Variants in KCNK5 observed in about 807,000 individuals in gnomAD.
KCNK5 encodes potassium channel subfamily K member 5.
In KCNK5, 18 loss-of-function variants were observed where a neutral mutation model predicts 32.9. The ratio of observed to expected loss-of-function variants is 0.55; its 90% CI spans 0.38 to 0.81. The LOEUF (loss-of-function observed/expected upper bound fraction) is 0.81, where lower values mean the gene tolerates loss of function less well. KCNK5 is among the 30% of genes least tolerant of loss of function. KCNK5 has a pLI of 0.00. For synonymous variants in KCNK5, 276 were observed against 275.3 expected, an observed-to-expected ratio of 1.00 and a Z score of -0.03; for missense variants, 507 against 651.0, an observed-to-expected ratio of 0.78 and a Z score of 2.41.
intron 4 of KCNK5, among the ~76,000 whole-genome samples, chr6:39,192,622 T>C (rs562232388): frequency 2.0e-5 from 3 of 152,254 alleles, no homozygotes; most frequent in Admixed American, 6.5e-5. Flanking sequence ...TTTATTTTCA[T>C]TGAAGGTCTG....
intron 1 of KCNK5, among the ~76,000 whole-genome samples, chr6:39,226,992 C>G (rs1030501863): frequency 6.6e-6 from 1 of 151,986 alleles, no homozygotes; most frequent in African/African-American, 2.4e-5. Flanking sequence ...TAAATGTTGA[C>G]AGATTTAACA....
chr6:39,190,759 G>A lies in KCNK5; in HGVS notation c.*131C>T, dbSNP rs1770906753. ...GCTGAGGATGATGGAAGGTTAGGAA[G>A]GCCCCTGGCCCCCCACTCCCAGTTC... On this transcript the variant is annotated 3_prime_UTR_variant, in exon 5 of 5. Transcript: ENST00000359534. 5 of 852,836 alleles carry A rather than the reference G, an allele frequency of 5.9e-6. No individual in the cohort carries two copies. The highest frequency in any genetic ancestry group is 8.5e-6 in the Non-Finnish European group (5 of 591,586). 52.8% of individuals were successfully genotyped at this position (852,836 alleles called of 1,614,324 possible).
intron 4 of KCNK5, among the ~76,000 whole-genome samples, chr6:39,193,465 G>T (rs1423892644): frequency 6.6e-6 from 1 of 152,256 alleles, no homozygotes; most frequent in Non-Finnish European, 1.5e-5. Context: ...GAGGTCACTG[G>T]GGTGGTGGGT....
At chr6:39,223,486 A>C (rs1439138743) in intron 1 of KCNK5, among the ~76,000 whole-genome samples, 1 of 152,178 alleles carries the variant, frequency 6.6e-6, no homozygotes, top group African/African-American at 2.4e-5. Flanking sequence ...TCCACTCCCT[A>C]CAAGGAATAT....
At chr6:39,192,454 A>G (rs914665431) in intron 4 of KCNK5, among the ~76,000 whole-genome samples, 1 of 152,162 alleles carries the variant, frequency 6.6e-6, no homozygotes, top group South Asian at 2.1e-4. Flanking sequence ...TATATGATAC[A>G]GTTCACTTAA....
At chr6:39,228,900 A>G (rs772721314) in intron 1 of KCNK5, 26 bp downstream of exon 1, 7 of 1,612,498 alleles carry the variant, frequency 4.3e-6, no homozygotes, top group Non-Finnish European at 5.9e-6. Flanking sequence ...CTTCAGATGT[A>G]TATGGGGGTA....
At position 39,190,537 on chromosome 6, in the gene KCNK5, A is replaced by C; in HGVS notation, c.*353T>G. 1 of 189,140 alleles carries C rather than the reference A, an allele frequency of 5.3e-6. No individual in the cohort carries two copies. Among genetic ancestry groups the C allele is most frequent in the Non-Finnish European group, 1.1e-5 (1 of 92,724 alleles). 11.7% of individuals were successfully genotyped at this position (189,140 alleles called of 1,614,324 possible). The stretch of plus-strand genomic sequence containing the variant: ...CAGCTGAGGCCCCAGACCTCAGAGA[A>C]CCGTGTGATACTCCACCAAATGGTG... On this transcript the variant is annotated 3_prime_UTR_variant, in exon 5 of 5. Coordinates refer to ENST00000359534, the MANE Select transcript of KCNK5 (RefSeq NM_003740.4).
intron 1 of KCNK5, among the ~76,000 whole-genome samples, chr6:39,209,110 G>A (rs1347361826): frequency 6.6e-6 from 1 of 152,014 alleles, no homozygotes; most frequent in Non-Finnish European, 1.5e-5. Context: ...AGCAAAAGGA[G>A]TATTTAGGAG....
Position 39,195,110 on chromosome 6 carries a change from A to C in KCNK5, c.299-350T>G, listed in dbSNP as rs568899829. On this transcript the variant is annotated intron_variant, in intron 2 of 4. Coordinates refer to ENST00000359534, the MANE Select transcript of KCNK5 (RefSeq NM_003740.4). ...TGGTAGATGGTCTCCAAAGATAGCC[A>C]TCCTCCATTCCCTCCCTTCTTATGC... Among the ~76,000 whole-genome samples, 10 of 152,310 alleles carry C rather than the reference A, an allele frequency of 6.6e-5. No individual in the cohort carries two copies. In the East Asian group the frequency reaches 1.9e-3, roughly 29 times the overall value.
chr6:39,217,517 C>A (rs1481331888), intron 1 of KCNK5, among the ~76,000 whole-genome samples: 1 of 152,176 alleles, frequency 6.6e-6, no homozygotes, highest in African/African-American at 2.4e-5. Flanking sequence ...CCCTAATTGC[C>A]CCCACTTAGC....
Position 39,194,331 on chromosome 6 carries a change from C to T in KCNK5, c.472G>A (p.Ala158Thr). Residue 158 changes from alanine (A) to threonine (T), a missense_variant, in exon 4 of 5, where the codon GCG (alanine) becomes ACG (threonine). Ala to Thr is a moderately conservative substitution (Grantham distance 58, BLOSUM62 0). This residue lies in a region of KCNK5 where 143 missense variants were observed against 219.1 expected (regional missense o/e 0.65). Transcript: ENST00000359534. This position sits in a 1 kb window ranked among gnomAD's most constrained non-coding sequence, Gnocchi z 4.7. ...LTKRGVSLRK[A>T]QITCTVIFIV... The stretch of plus-strand genomic sequence containing the variant: ...AAGATGACTGTGCACGTGATCTGCG[C>T]CTTCCGCTGATGGGGAGCAGGAGGC... The T allele has an allele frequency of 1.9e-6, 3 of 1,602,466 alleles. No individual in the cohort carries two copies. The highest frequency in any genetic ancestry group is 2.6e-6 in the Non-Finnish European group (3 of 1,172,952).
At chr6:39,212,061 G>A (rs1583715260) in intron 1 of KCNK5, among the ~76,000 whole-genome samples, 1 of 152,124 alleles carries the variant, frequency 6.6e-6, no homozygotes, top group Non-Finnish European at 1.5e-5. Flanking sequence ...GCTGAGGTAG[G>A]CAGATCACTT....
intron 1 of KCNK5, among the ~76,000 whole-genome samples, chr6:39,212,555 G>A (rs544489451): frequency 2.0e-5 from 3 of 152,254 alleles, no homozygotes; most frequent in East Asian, 1.9e-4. Context: ...TGTGTTTTTC[G>A]TTCATCTGAA....
chr6:39,213,093 G>A (rs1285587286), intron 1 of KCNK5, among the ~76,000 whole-genome samples: 1 of 152,182 alleles, frequency 6.6e-6, no homozygotes, highest in Non-Finnish European at 1.5e-5. Flanking sequence ...GGAGCCCACA[G>A]ATACGAAGGG....
rs563673552 is a variant in KCNK5 at position 39,219,377 on chromosome 6, C to A, written c.186+9549G>T. Among the ~76,000 whole-genome samples the A allele has an allele frequency of 2.0e-5, 3 of 152,010 alleles. No homozygotes were observed. In the South Asian group the frequency reaches 6.2e-4, roughly 32 times the overall value. On this transcript the variant is annotated intron_variant, in intron 1 of 4. Coordinates refer to ENST00000359534, the MANE Select transcript of KCNK5 (RefSeq NM_003740.4). Reference sequence around the variant, plus strand: ...TGAGCTTTACAGGCATTTCCTCTTGCGAGGGGGGTATAATTAGTTCCATTT... The same window carrying A: ...TGAGCTTTACAGGCATTTCCTCTTGAGAGGGGGGTATAATTAGTTCCATTT...
chr6:39,210,042 C>G (rs1424715302), intron 1 of KCNK5, among the ~76,000 whole-genome samples: 1 of 152,026 alleles, frequency 6.6e-6, no homozygotes, highest in East Asian at 1.9e-4. Flanking sequence ...TGTATGTGGC[C>G]GGGAGGATAT....
rs1770869471 is a variant in KCNK5, at chr6:39,189,002, ATG to A, written c.*1886_*1887del. On this transcript the variant is annotated 3_prime_UTR_variant, in exon 5 of 5. Coordinates refer to ENST00000359534, the MANE Select transcript of KCNK5 (RefSeq NM_003740.4). ...GTCCACCTCATGTTTTATTGTAAAA[ATG>A]TTAAAATAAATTACATTTGACATCG... is the stretch of plus-strand genomic sequence containing the variant. 1.3e-5 allele frequency: 2 copies of A among 152,250 alleles called. No homozygotes were observed. The highest frequency in any genetic ancestry group is 4.8e-5 in the African/African-American group (2 of 41,452). 9.4% of individuals were successfully genotyped at this position (152,250 alleles called of 1,614,324 possible).
intron 1 of KCNK5, among the ~76,000 whole-genome samples, chr6:39,226,610 G>A (rs1371271884): frequency 3.3e-5 from 5 of 152,064 alleles, no homozygotes; most frequent in East Asian, 1.9e-4. Context: ...AACACAGAGC[G>A]TCAGGTGGAA....
At chr6:39,221,979 A>G (rs1013063348) in intron 1 of KCNK5, among the ~76,000 whole-genome samples, 79 of 152,304 alleles carry the variant, frequency 5.2e-4, no homozygotes, top group African/African-American at 1.8e-3. Context: ...GGTTTCATCA[A>G]GCACAGAAAG....
Sources: allele counts gnomAD v4.1 joint callset (sites outside exome capture counted in the v4.1 genomes callset), GRCh38; gene constraint gnomAD v4.1.1; regional missense constraint gnomAD v4.1.1; non-coding constraint Gnocchi (gnomAD v3.1); transcripts MANE v1.5; gene names NCBI Gene and HGNC (gene_info 2026-07-23, HGNC 2026-07-21).